PRAMEF4: variants seen among roughly 807,000 people sequenced by gnomAD.
The protein encoded by PRAMEF4 is RP5-845O24.6.
PRAMEF4 carries 18 observed loss-of-function variants against 34.4 expected under a neutral mutation model. The observed-to-expected ratio is 0.52, with a 90% confidence interval of 0.36 to 0.78. PRAMEF4 has a LOEUF of 0.78. PRAMEF4 is among the 30% of genes least tolerant of loss of function. The probability of loss-of-function intolerance (pLI) is 0.00; values close to 1 mark genes in which losing one functional copy is unlikely to be tolerated. For synonymous variants in PRAMEF4, 156 were observed against 219.3 expected (o/e 0.71, Z 2.55); for missense variants, 482 against 569.1 (o/e 0.85, Z 1.56).
In PRAMEF4 at chr1:12,886,141, A is replaced by G. The variant is rs1447989019; in HGVS notation, c.-17+6T>C. ...GGGAGTGTCCTTACAGAAATTAGTGACTTACCAGATCTGGATGTAGTCTAG... is the reference window on the plus strand; with the variant it reads ...GGGAGTGTCCTTACAGAAATTAGTGGCTTACCAGATCTGGATGTAGTCTAG... On this transcript the variant is annotated splice_donor_region_variant and intron_variant, in intron 1 of 3. Coordinates refer to ENST00000235349, the MANE Select transcript of PRAMEF4 (RefSeq NM_001009611.4). 1.4e-5 allele frequency: 2 copies of G among 140,130 alleles called. No individual in the cohort carries two copies. The highest frequency in any genetic ancestry group is 3.1e-5 in the Non-Finnish European group (2 of 65,270). 8.7% of individuals were successfully genotyped at this position (140,130 alleles called of 1,614,324 possible).
chr1:12,879,848 C>T lies in PRAMEF4; in HGVS notation c.1133G>A (p.Arg378His), dbSNP rs376004851. ...GCTGAAGGTGTTGAGCTCAAAGCAG[C>T]GGCTCAGGGCAGGCAAGATGGCGTT... is the stretch of plus-strand genomic sequence containing the variant. ...QVNAILPALS[R>H]CFELNTFSFC... is the part of the protein sequence containing the mutation. The change falls in exon 4 of 4, where the codon CGC becomes CAC. Residue 378 changes from arginine to histidine, a missense_variant. Transcript: ENST00000235349. 4.1e-5 allele frequency: 65 copies of T among 1,599,428 alleles called. 3 individuals are homozygous for T. Among genetic ancestry groups the T allele is most frequent in the Middle Eastern group, 2.2e-4 (1 of 4,620 alleles).
chr1:12,883,420 G>A lies in PRAMEF4; in HGVS notation c.-16-10C>T. 2 of 1,601,040 alleles carry A rather than the reference G, an allele frequency of 1.2e-6. No individual in the cohort carries two copies. The highest frequency in any genetic ancestry group is 1.7e-6 in the Non-Finnish European group (2 of 1,174,314). On this transcript the variant is annotated splice_polypyrimidine_tract_variant and intron_variant, in intron 1 of 3. Transcript: ENST00000235349. ...GAATCTGCAGGGAAAACTTCCAGAGGACAAACCCAGAGAAAAGGCATCTCT... is the reference window on the plus strand; with the variant it reads ...GAATCTGCAGGGAAAACTTCCAGAGAACAAACCCAGAGAAAAGGCATCTCT...
chr1:12,880,450 C>G, intron 3 of PRAMEF4, among the ~76,000 whole-genome samples: 2 of 150,332 alleles, frequency 1.3e-5, no homozygotes, highest in Admixed American at 1.4e-4. Context: ...GTGGGGGGAG[C>G]CTGCAATTCC....
chr1:12,879,655 G>A lies in PRAMEF4; in HGVS notation c.1326C>T (p.Asn442=), dbSNP rs2359268. Residue 442 remains asparagine (N), a synonymous_variant, in exon 4 of 4, where the codon AAC becomes AAT. Coordinates refer to ENST00000235349, the MANE Select transcript of PRAMEF4 (RefSeq NM_001009611.4). The part of the protein sequence containing the change: ...RFAQIRAELM[N]RVRDLRHPKR... ...TGGGGTGCCTTAAGTCCCTCACTCT[G>A]TTCATCAGCTCAGCCCTAATTTGAG... 6.4e-7 allele frequency: 1 copy of A among 1,569,584 alleles called. No individual in the cohort carries two copies. The highest frequency in any genetic ancestry group is 8.7e-7 in the Non-Finnish European group (1 of 1,149,004).
chr1:12,881,488 C>A (rs1427737044), intron 3 of PRAMEF4, among the ~76,000 whole-genome samples: 2 of 149,192 alleles, frequency 1.3e-5, no homozygotes, highest in African/African-American at 5.0e-5. Context: ...GCCTCAGACT[C>A]CCAAAGTGAT....
At chr1:12,883,769 A>C (rs1247965605) in intron 1 of PRAMEF4, among the ~76,000 whole-genome samples, 1 of 147,726 alleles carries the variant, frequency 6.8e-6, no homozygotes, top group Non-Finnish European at 1.5e-5. Context: ...ACAAGCCTAC[A>C]TGCCCACATT....
rs775076398 is a variant in PRAMEF4, at chr1:12,883,330, T to C, written c.65A>G (p.Asp22Gly). The C allele has an allele frequency of 1.3e-6, 2 of 1,599,970 alleles. No individual in the cohort carries two copies. Among genetic ancestry groups the C allele is most frequent in the Non-Finnish European group, 1.7e-6 (2 of 1,173,182 alleles). Residue 22 changes from aspartate to glycine, a missense_variant, in exon 2 of 4, where the codon GAC becomes GGC. By Grantham distance (94) the Asp-to-Gly change is moderately conservative. Around this residue, in one of 6 missense-constraint regions of PRAMEF4, gnomAD observed 172 missense variants for 130.2 expected, o/e 1.32. Coordinates refer to ENST00000235349, the MANE Select transcript of PRAMEF4 (RefSeq NM_001009611.4). Reference protein sequence around the residue: ...LELAGRSLLRDQALAMSTLEE... With the variant: ...LELAGRSLLRGQALAMSTLEE... ...CAGGGTGGACATGGCCAAAGCTTGG[T>C]CCCTTAGCAGGCTCCGCCCTGCAAG...
intron 1 of PRAMEF4, among the ~76,000 whole-genome samples, chr1:12,884,710 CAG>C (rs200675951): frequency 0.038 from 5,611 of 146,218 alleles, 3 homozygotes; most frequent in East Asian, 0.2. Flanking sequence ...CTAGATTGAA[CAG>C]AGAGACAGAG....
In PRAMEF4 at chr1:12,879,983, A is replaced by T. The variant is rs1345233154; in HGVS notation, c.998T>A (p.Ile333Asn). The T allele has an allele frequency of 1.9e-6, 3 of 1,606,582 alleles. No homozygotes were observed. The highest frequency in any genetic ancestry group is 2.7e-5 in the African/African-American group (2 of 73,490). Residue 333 changes from isoleucine (I) to asparagine (N), a missense_variant, in exon 4 of 4, where the codon ATC becomes AAC. By Grantham distance (149) the Ile-to-Asn change is moderately radical (BLOSUM62 -3). Transcript: ENST00000235349. ...SQLKTLDLSG[I>N]RLTNYSLVPL... ...CACAAGACTGTAATTGGTCAGTCTG[A>T]TGCCACTCAGGTCCAGGGTCTTTAG...
rs193035647 is a variant in PRAMEF4 at position 12,881,281 on chromosome 1, G to C, written c.875+573C>G. ...CTCAGGAGGCTGAGGCAGGAGAATC[G>C]CATGAACCTGGGAGGCAGAAGTTGC... On this transcript the variant is annotated intron_variant, in intron 3 of 3. Coordinates refer to ENST00000235349, the MANE Select transcript of PRAMEF4 (RefSeq NM_001009611.4). Among the ~76,000 whole-genome samples the C allele has an allele frequency of 7.4e-5, 11 of 148,508 alleles. 1 individual carries two copies. The Admixed American group carries it at 7.6e-4, about 10-fold the overall frequency.
intron 1 of PRAMEF4, among the ~76,000 whole-genome samples, chr1:12,884,095 A>G (rs1166264083): frequency 6.9e-6 from 1 of 145,452 alleles, no homozygotes; most frequent in Admixed American, 7.2e-5. Flanking sequence ...TGCAGCCTTG[A>G]CCTCCCAGCT....
intron 1 of PRAMEF4, 66 bp from the exon 2 acceptor site, chr1:12,883,476 T>G (rs1269785328): frequency 6.3e-7 from 1 of 1,585,066 alleles, no homozygotes; most frequent in African/African-American, 1.4e-5. Flanking sequence ...TCTCATCCTC[T>G]CCTATGGCCA....
chr1:12,883,451 G>A, intron 1 of PRAMEF4, 41 bp from the exon 2 acceptor site: 2 of 1,597,158 alleles, frequency 1.3e-6, no homozygotes, highest in Non-Finnish European at 1.7e-6. Context: ...TCTCTCTCGG[G>A]CCAAGCCCAT....
intron 3 of PRAMEF4, 108 bp downstream of exon 3, chr1:12,881,746 C>T (rs1228013657): frequency 1.3e-5 from 20 of 1,523,576 alleles, no homozygotes; most frequent in Non-Finnish European, 1.7e-5. Flanking sequence ...TTCTAGTGTC[C>T]CCTTCACTGT....
rs536571854 is a variant in PRAMEF4 at position 12,882,645 on chromosome 1, C to T, written c.294-210G>A. Among the ~76,000 whole-genome samples the T allele has an allele frequency of 3.8e-3, 562 of 147,502 alleles. 22 individuals are homozygous for T. The highest frequency in any genetic ancestry group is 6.5e-3 in the Non-Finnish European group (433 of 66,984). ...TCCCTGTGTCGCCCAGGCTAGAGTG[C>T]AGTGGTGTGATGTCACCTCACTGCA... is the stretch of plus-strand genomic sequence containing the variant. On this transcript the variant is annotated intron_variant, in intron 2 of 3. Coordinates refer to ENST00000235349, the MANE Select transcript of PRAMEF4 (RefSeq NM_001009611.4).
At chr1:12,883,468 T>G in intron 1 of PRAMEF4, 58 bp from the exon 2 acceptor site, 5 of 1,593,530 alleles carry the variant, frequency 3.1e-6, no homozygotes, top group Non-Finnish European at 4.3e-6. Context: ...CCATGCAATC[T>G]CATCCTCTCC....
intron 1 of PRAMEF4, among the ~76,000 whole-genome samples, 155 bp from the exon 2 acceptor site, chr1:12,883,565 C>T (rs1163121671): frequency 2.7e-5 from 4 of 149,346 alleles, no homozygotes; most frequent in Admixed American, 2.1e-4. Context: ...ATTAAGCCAG[C>T]ATTCTGCCTC....
rs200652754 is a variant in PRAMEF4 at position 12,879,725 on chromosome 1, C to CG, written c.1255dup (p.Arg419ProfsTer7). Reference sequence around the variant, plus strand: ...AGTACCATCAGCACCATAACTCTCCCGGGGGGCAGGATACAGCTCCACGCA... The same window carrying CG: ...AGTACCATCAGCACCATAACTCTCCCGGGGGGGCAGGATACAGCTCCACGCA... On this transcript the variant is annotated frameshift_variant, in exon 4 of 4. Coordinates refer to ENST00000235349, the MANE Select transcript of PRAMEF4 (RefSeq NM_001009611.4). LOFTEE classifies it high-confidence loss of function. The CG allele has an allele frequency of 0.1, 161,473 of 1,599,136 alleles. 16,381 individuals are homozygous for CG. The highest frequency in any genetic ancestry group is 0.18 in the Middle Eastern group (955 of 5,232).
chr1:12,885,117 C>A (rs1306825058), intron 1 of PRAMEF4, among the ~76,000 whole-genome samples: 2 of 150,758 alleles, frequency 1.3e-5, no homozygotes, highest in East Asian at 3.9e-4. Flanking sequence ...CCGATGATCA[C>A]CTGGGTCATA....
Sources: gnomAD v4.1 joint callset for allele counts (sites outside exome capture counted in the v4.1 genomes callset) on GRCh38, gnomAD v4.1.1 for gene constraint, gnomAD v4.1.1 regional missense constraint, MANE v1.5 for transcripts, NCBI Gene and HGNC (gene_info 2026-07-23, HGNC 2026-07-21) for gene names.